Variants in TUB observed in about 807,000 individuals in gnomAD.
The protein encoded by TUB is tubby protein homolog.
Under a neutral mutation model 59.7 loss-of-function variants are expected in TUB, and 33 were observed. The ratio of observed to expected loss-of-function variants is 0.55; its 90% confidence interval spans 0.42 to 0.74. TUB has a LOEUF of 0.74. TUB is among the 30% of genes least tolerant of loss of function. TUB has a pLI of 0.00. For missense variants in TUB, 659 were observed against 672.0 expected (o/e 0.98, Z 0.21); for synonymous variants, 293 against 256.4 (o/e 1.14, Z -1.36).
chr11:8,095,774 T>G, intron 5 of TUB, 109 bp downstream of exon 5: 2 of 1,235,532 alleles, frequency 1.6e-6, no homozygotes, highest in Non-Finnish European at 2.2e-6. Context: ...TCCCTGGCAA[T>G]GGTGGGTGAG....
At chr11:8,053,602 G>A (rs372352397) in intron 2 of TUB, among the ~76,000 whole-genome samples, 26 of 151,328 alleles carry the variant, frequency 1.7e-4, no homozygotes, top group East Asian at 1.4e-3. Flanking sequence ...CTGAGTTCAC[G>A]CCATTCTCCT....
rs1944263055 is a variant in TUB at position 8,100,861 on chromosome 11, G to A, written c.1251G>A (p.Lys417=). Residue 417 remains lysine, a synonymous_variant, in exon 11 of 12, where the codon AAG becomes AAA. Transcript: ENST00000299506. ...HETLLARWQN[K]NTESIIELQN... ...CACTGCTAGCACGCTGGCAGAATAA[G>A]AACACGGAGAGTATCATCGAGCTGC... The A allele has an allele frequency of 3.7e-6, 6 of 1,614,128 alleles. No homozygotes were observed. The Middle Eastern group carries it at 6.6e-4, about 178-fold the overall frequency.
intron 1 of TUB, among the ~76,000 whole-genome samples, chr11:8,028,421 A>G (rs1942529847): frequency 1.3e-5 from 2 of 152,190 alleles, no homozygotes; most frequent in African/African-American, 4.8e-5. Flanking sequence ...CCTTTGAAGC[A>G]CAAGCTTTAA....
chr11:8,053,799 C>T (rs1222422416), intron 2 of TUB, among the ~76,000 whole-genome samples: 1 of 147,048 alleles, frequency 6.8e-6, no homozygotes, highest in Non-Finnish European at 1.5e-5. Context: ...CCGTGCCCGG[C>T]CAATAATTGT....
intron 2 of TUB, among the ~76,000 whole-genome samples, chr11:8,054,925 G>A (rs1942994172): frequency 6.6e-6 from 1 of 152,196 alleles, no homozygotes; most frequent in Non-Finnish European, 1.5e-5. Context: ...GGGCCAGAAG[G>A]TGAAGAGGAG....
rs757134357 is a variant in TUB, at chr11:8,100,821, C to T, written c.1216-5C>T. On this transcript the variant is annotated splice_region_variant and splice_polypyrimidine_tract_variant and intron_variant, in intron 10 of 11. Transcript: ENST00000299506. The stretch of plus-strand genomic sequence containing the variant: ...GGCCTGGCTCAGGTGAGGCTGCCCT[C>T]CCAGGAGCATGAGACACTGCTAGCA... The T allele has an allele frequency of 1.2e-6, 2 of 1,613,634 alleles. No individual in the cohort carries two copies. Among genetic ancestry groups the T allele is most frequent in the East Asian group, 2.2e-5 (1 of 44,868 alleles).
At chr11:8,044,520 G>T (rs1942799293) in intron 2 of TUB, among the ~76,000 whole-genome samples, 1 of 152,100 alleles carries the variant, frequency 6.6e-6, no homozygotes, top group African/African-American at 2.4e-5. Flanking sequence ...CTTCCTACTT[G>T]TACTGTTTTT....
chr11:8,090,081 GAGCAGA>G lies in TUB; in HGVS notation c.112_117del (p.Gln38_Lys39del), dbSNP rs756942342. On this transcript the variant is annotated inframe_deletion, in exon 3 of 12. Coordinates refer to ENST00000299506, the MANE Select transcript of TUB (RefSeq NM_177972.3). ...TGTGCCTCCATAGCGGGCCCTGCTG[GAGCAGA>G]AGCAGAAGAAGAAGCGCCAGGAGCC... 1.9e-6 allele frequency: 3 copies of G among 1,608,564 alleles called. No individual in the cohort carries two copies. Among genetic ancestry groups the G allele is most frequent in the Non-Finnish European group, 8.5e-7 (1 of 1,177,562 alleles).
rs1037090456 is a variant in TUB, at chr11:8,102,504, C to G, written c.*885C>G. ...ACCCCCAGGAAACACAAATGGGGTC[C>G]AGGTCACCAGCCTGACTGCACACAG... On this transcript the variant is annotated 3_prime_UTR_variant, in exon 12 of 12. Transcript: ENST00000299506. The G allele has an allele frequency of 6.6e-6, 1 of 152,256 alleles. No individual in the cohort carries two copies. The highest frequency in any genetic ancestry group is 1.5e-5 in the Non-Finnish European group (1 of 68,114). The allele number at this position is 152,256 out of a possible 1,614,324, so 9.4% of individuals were successfully genotyped here.
At chr11:8,054,841 G>T (rs897155199) in intron 2 of TUB, among the ~76,000 whole-genome samples, 1 of 152,216 alleles carries the variant, frequency 6.6e-6, no homozygotes, top group Non-Finnish European at 1.5e-5. Flanking sequence ...CTGGCTAAAG[G>T]GATGGTAGAG....
rs1944514886 is a variant in TUB, at chr11:8,105,409, T to G, written c.*3790T>G. 6.6e-6 allele frequency: 1 copy of G among 152,196 alleles called. No homozygotes were observed. Among genetic ancestry groups the G allele is most frequent in the Non-Finnish European group, 1.5e-5 (1 of 68,080 alleles). 9.4% of individuals were successfully genotyped at this position (152,196 alleles called of 1,614,324 possible). On this transcript the variant is annotated 3_prime_UTR_variant, in exon 12 of 12. Coordinates refer to ENST00000299506, the MANE Select transcript of TUB (RefSeq NM_177972.3). ...CGGTAATAAGCCAAGGGCTAGGCTC[T>G]TGTTTGAGTTTATGGCCACCTGGAA...
intron 1 of TUB, chr11:8,039,420 C>T: frequency 2.4e-6 from 1 of 423,902 alleles, no homozygotes; most frequent in Non-Finnish European, 4.0e-6. Flanking sequence ...TCATCACTGC[C>T]CTCATCTGGA....
chr11:8,029,017 CAAAAA>C (rs931574987), intron 1 of TUB, among the ~76,000 whole-genome samples: 10 of 151,976 alleles, frequency 6.6e-5, no homozygotes, highest in Non-Finnish European at 1.2e-4. Flanking sequence ...TCTCAAGAAA[CAAAAA>C]CAAAACAAAA....
chr11:8,022,695 G>A (rs1942447100), intron 1 of TUB, among the ~76,000 whole-genome samples: 1 of 152,170 alleles, frequency 6.6e-6, no homozygotes, highest in African/African-American at 2.4e-5. Flanking sequence ...TTCAAAACCA[G>A]CCTGGCCAAC....
chr11:8,054,212 A>G (rs559818768), intron 2 of TUB, among the ~76,000 whole-genome samples: 3 of 152,290 alleles, frequency 2.0e-5, no homozygotes, highest in South Asian at 4.1e-4. Flanking sequence ...AGTTTCTTCT[A>G]TGGTTATTAA....
intron 7 of TUB, 90 bp from the exon 8 acceptor site, chr11:8,097,624 C>G (rs776447002): frequency 3.0e-6 from 4 of 1,337,404 alleles, no homozygotes; most frequent in Admixed American, 1.8e-5. Context: ...TGGGAGCTGA[C>G]GCAACGGAGA....
chr11:8,025,745 A>G (rs1265255372), intron 1 of TUB, among the ~76,000 whole-genome samples: 1 of 152,190 alleles, frequency 6.6e-6, no homozygotes, highest in Non-Finnish European at 1.5e-5. Context: ...CTTTTTGGCT[A>G]TTACAAATAA....
upstream of TUB, among the ~76,000 whole-genome samples, chr11:8,081,197 C>G (rs1272128714): frequency 1.3e-5 from 2 of 151,384 alleles, no homozygotes; most frequent in Non-Finnish European, 3.0e-5. Flanking sequence ...GGCAGGCCGC[C>G]GCTGCCACGC....
At position 8,100,939 on chromosome 11, in the gene TUB, C is replaced by T. The variant is rs1944266892; in HGVS notation, c.1329C>T (p.Phe443=). 6.2e-7 allele frequency: 1 copy of T among 1,614,174 alleles called. No individual in the cohort carries two copies. Among genetic ancestry groups the T allele is most frequent in the Non-Finnish European group, 8.5e-7 (1 of 1,180,030 alleles). Residue 443 remains phenylalanine, a synonymous_variant, in exon 11 of 12, where the codon TTC becomes TTT. Coordinates refer to ENST00000299506, the MANE Select transcript of TUB (RefSeq NM_177972.3). The stretch of plus-strand genomic sequence containing the variant: ...ACACACAGTCCTATGTACTCAACTT[C>T]CATGGGCGCGTCACACAGGCCTCCG... The part of the protein sequence containing the change: ...NDDTQSYVLN[F]HGRVTQASVK...
Sources: allele counts gnomAD v4.1 joint callset (sites outside exome capture counted in the v4.1 genomes callset), GRCh38; gene constraint gnomAD v4.1.1; transcripts MANE v1.5; gene names NCBI Gene and HGNC (gene_info 2026-07-23, HGNC 2026-07-21).